NFATC1: variants seen among roughly 807,000 people sequenced by gnomAD.
NFATC1 encodes the protein nuclear factor of activated T cells 1.
A neutral mutation model predicts 76.0 loss-of-function variants in NFATC1; 22 were observed. The observed-to-expected ratio is 0.29, with a 90% CI of 0.21 to 0.41. The LOEUF (loss-of-function observed/expected upper bound fraction) is 0.41, where lower values mean the gene tolerates loss of function less well. Ranked by LOEUF, NFATC1 falls within the 10% of genes least tolerant of loss-of-function variation. The pLI is 1.00. For synonymous variants in NFATC1, 704 were observed against 613.1 expected, an observed-to-expected ratio of 1.15 and a Z score of -2.19; for missense variants, 1,357 against 1,337.7, an observed-to-expected ratio of 1.01 and a Z score of -0.23.
At chr18:79,456,354 C>T (rs531364941) in intron 6 of NFATC1, among the ~76,000 whole-genome samples, 8 of 152,322 alleles carry the variant, frequency 5.3e-5, no homozygotes, top group East Asian at 3.9e-4. Flanking sequence ...CCCAGAGAGC[C>T]GGGTCAGAGG....
intron 1 of NFATC1, among the ~76,000 whole-genome samples, chr18:79,401,660 C>T (rs902315338): frequency 5.3e-5 from 8 of 152,252 alleles, no homozygotes; most frequent in Non-Finnish European, 1.0e-4. Flanking sequence ...GCGAGAGTGT[C>T]GCCCCACTCC....
At chr18:79,458,590 A>G (rs1568987188) in intron 6 of NFATC1, among the ~76,000 whole-genome samples, 3 of 152,234 alleles carry the variant, frequency 2.0e-5, no homozygotes, top group Admixed American at 1.3e-4. Flanking sequence ...ACTGCAGGGA[A>G]TTCCCTAATG....
At chr18:79,416,817 G>C (rs1047854464) in intron 2 of NFATC1, among the ~76,000 whole-genome samples, 1 of 152,216 alleles carries the variant, frequency 6.6e-6, no homozygotes, top group Non-Finnish European at 1.5e-5. Context: ...ACCCTTGCTG[G>C]GGAGTCCCCC....
At chr18:79,437,138 G>A (rs2086808765) in intron 3 of NFATC1, among the ~76,000 whole-genome samples, 1 of 152,244 alleles carries the variant, frequency 6.6e-6, no homozygotes, top group South Asian at 2.1e-4. Context: ...GCGGGGTCTG[G>A]CGGGACCTCG....
rs117723144 is a variant in NFATC1, at chr18:79,473,336, C to T, written c.2092+5754C>T. Among the ~76,000 whole-genome samples the T allele has an allele frequency of 4.8e-4, 73 of 152,396 alleles. 1 individual carries two copies. The East Asian group carries it at 0.013, about 27-fold the overall frequency. The stretch of plus-strand genomic sequence containing the variant: ...AAATTTCAGTTTTTGTCGGTTGCCT[C>T]GCTCTTCAGACGGCAAGTGAGAGAA... On this transcript the variant is annotated intron_variant, in intron 8 of 9. Transcript: ENST00000427363.
In NFATC1 at chr18:79,524,568, G is replaced by A. The variant is rs922110397; in HGVS notation, c.2783-2960G>A. Among the ~76,000 whole-genome samples the A allele has an allele frequency of 7.2e-5, 11 of 152,162 alleles. No homozygotes were observed. The highest frequency in any genetic ancestry group is 1.2e-4 in the Non-Finnish European group (8 of 68,004). On this transcript the variant is annotated intron_variant, in intron 9 of 9. Coordinates refer to ENST00000427363, the MANE Select transcript of NFATC1 (RefSeq NM_001278669.2). The surrounding 1 kb of genome is among the most constrained non-coding windows in gnomAD (Gnocchi z 7.2). ...CTTGACCCGGCGCTGGGACGGGGTC[G>A]GCCCACACGCACCGCCAGCCCGCAG...
chr18:79,508,364 A>G (rs1210482005), intron 9 of NFATC1, among the ~76,000 whole-genome samples: 2 of 152,184 alleles, frequency 1.3e-5, no homozygotes, highest in African/African-American at 2.4e-5. Flanking sequence ...ACCAGCAGCC[A>G]CAGGGCAGCG....
intron 8 of NFATC1, 99 bp from the exon 9 acceptor site, chr18:79,486,149 G>A: frequency 1.9e-6 from 2 of 1,059,018 alleles, no homozygotes; most frequent in Non-Finnish European, 2.8e-6. Flanking sequence ...ACCCAGTCAG[G>A]GCCCTGTTGG....
At chr18:79,523,598 C>G (rs1306930090) in intron 9 of NFATC1, among the ~76,000 whole-genome samples, 1 of 152,212 alleles carries the variant, frequency 6.6e-6, no homozygotes, top group East Asian at 1.9e-4. Context: ...TGCCCTTGTA[C>G]TTGGTAGTTT....
rs2088464020 is a variant in NFATC1 at position 79,465,849 on chromosome 18, A to G, written c.1960-1601A>G. Among the ~76,000 whole-genome samples the G allele has an allele frequency of 1.3e-5, 2 of 152,166 alleles. No homozygotes were observed. Among genetic ancestry groups the G allele is most frequent in the Admixed American group, 6.5e-5 (1 of 15,278 alleles). On this transcript the variant is annotated intron_variant, in intron 7 of 9. Transcript: ENST00000427363. This position sits in a 1 kb window ranked among gnomAD's most constrained non-coding sequence, Gnocchi z 4.2. ...AGAGCTTCCCGGGTCAGCCCAGGAG[A>G]TGGCCCAGACCCACAGTGCTCTGGG...
At chr18:79,403,596 C>T (rs998575605) in intron 1 of NFATC1, among the ~76,000 whole-genome samples, 3 of 152,370 alleles carry the variant, frequency 2.0e-5, no homozygotes, top group African/African-American at 7.2e-5. Flanking sequence ...CGTGGCAACT[C>T]AGAGGAAATT....
At chr18:79,502,699 A>T (rs1324978428) in intron 9 of NFATC1, among the ~76,000 whole-genome samples, 2 of 152,216 alleles carry the variant, frequency 1.3e-5, no homozygotes, top group Non-Finnish European at 2.9e-5. Flanking sequence ...AGACATAGGA[A>T]TGGATAATAA....
intron 7 of NFATC1, among the ~76,000 whole-genome samples, chr18:79,463,193 C>G (rs972207713): frequency 1.3e-5 from 2 of 152,234 alleles, no homozygotes; most frequent in Admixed American, 6.5e-5. Context: ...GTGCTCAGGC[C>G]TCCCCTGAAG....
chr18:79,397,702 T>C (rs892546676), intron 1 of NFATC1, among the ~76,000 whole-genome samples: 1 of 152,190 alleles, frequency 6.6e-6, no homozygotes, highest in African/African-American at 2.4e-5. Context: ...CAGTGTTCAT[T>C]ATCACTCCCT....
chr18:79,483,296 G>T (rs1335794793), intron 8 of NFATC1, among the ~76,000 whole-genome samples: 5 of 142,498 alleles, frequency 3.5e-5, no homozygotes, highest in Non-Finnish European at 7.8e-5. Context: ...TGGTCCTGGG[G>T]TGTCATTCCG....
At chr18:79,507,968 G>A (rs1198905057) in intron 9 of NFATC1, among the ~76,000 whole-genome samples, 1 of 152,240 alleles carries the variant, frequency 6.6e-6, no homozygotes, top group Non-Finnish European at 1.5e-5. Context: ...TCCCTGTTAT[G>A]TACTTTCCCT....
At chr18:79,432,929 C>T (rs1469102524) in intron 2 of NFATC1, among the ~76,000 whole-genome samples, 2 of 152,232 alleles carry the variant, frequency 1.3e-5, no homozygotes, top group Admixed American at 1.3e-4. Flanking sequence ...ACCTGTCACC[C>T]GCCAGGTCAT....
At chr18:79,488,566 G>A (rs1429142504) in intron 9 of NFATC1, among the ~76,000 whole-genome samples, 2 of 152,164 alleles carry the variant, frequency 1.3e-5, no homozygotes, top group Non-Finnish European at 2.9e-5. Flanking sequence ...AGTTCTTACT[G>A]TCTGACCTGC....
chr18:79,520,818 TGTGGGGGGGGGCATCCACTG>T (rs2090523115), intron 9 of NFATC1, among the ~76,000 whole-genome samples: 2 of 27,758 alleles, frequency 7.2e-5, no homozygotes, highest in African/African-American at 1.6e-4. Context: ...TGTGTCTGTG[TGTGGGGGGGGGCATCCACTG>T]ATGTGTGTGT....
Sources: gnomAD v4.1 joint callset for allele counts (sites outside exome capture counted in the v4.1 genomes callset) on GRCh38, gnomAD v4.1.1 for gene constraint, Gnocchi (gnomAD v3.1) non-coding constraint, MANE v1.5 for transcripts, NCBI Gene and HGNC (gene_info 2026-07-23, HGNC 2026-07-21) for gene names.